Variants in CNKSR2 observed in about 807,000 individuals in gnomAD.
The protein encoded by CNKSR2 is connector enhancer of kinase suppressor of Ras 2, also known as CNK homolog protein 2.
A neutral mutation model predicts 84.4 loss-of-function variants in CNKSR2; 14 were observed. The observed-to-expected ratio is 0.17, with a 90% CI of 0.11 to 0.26. The LOEUF (loss-of-function observed/expected upper bound fraction) is 0.26, where lower values mean the gene tolerates loss of function less well. Among genes scored for constraint, CNKSR2 ranks in the 10% least tolerant of loss-of-function variants. The pLI, the probability that CNKSR2 is intolerant of heterozygous loss-of-function variation, is 1.00. For missense variants in CNKSR2, 485 were observed against 771.2 expected (o/e 0.63, Z 4.40); for synonymous variants, 275 against 277.9 (o/e 0.99, Z 0.10).
intron 13 of CNKSR2, among the ~76,000 whole-genome samples, chrX:21,570,708 C>T (rs930555229): frequency 3.6e-5 from 4 of 112,047 alleles, no homozygotes; most frequent in African/African-American, 1.3e-4. Flanking sequence ...ATTAATTGGC[C>T]TAATTTTAAT....
chrX:21,638,045 T>G (rs969469008), intron 20 of CNKSR2, among the ~76,000 whole-genome samples: 1 of 112,022 alleles, frequency 8.9e-6, no homozygotes, highest in Non-Finnish European at 1.9e-5. Flanking sequence ...GTCTTAGAAC[T>G]CAAACAGAAT....
At chrX:21,576,745 A>T (rs760709217) in intron 13 of CNKSR2, among the ~76,000 whole-genome samples, 1 of 111,823 alleles carries the variant, frequency 8.9e-6, no homozygotes, top group Non-Finnish European at 1.9e-5. Context: ...ATCAGTTCAG[A>T]TGAAATGGAC....
At chrX:21,633,809 GA>G (rs1304352263) in intron 20 of CNKSR2, among the ~76,000 whole-genome samples, 1 of 111,992 alleles carries the variant, frequency 8.9e-6, no homozygotes, top group Non-Finnish European at 1.9e-5. Context: ...TGTCAGAAGG[GA>G]AAAATGAAAA....
At chrX:21,451,985 C>A (rs2090937199) in intron 4 of CNKSR2, among the ~76,000 whole-genome samples, 1 of 111,913 alleles carries the variant, frequency 8.9e-6, no homozygotes, top group Non-Finnish European at 1.9e-5. Context: ...GGAATTAACT[C>A]ACTGCCTCTT....
rs1438568212 is a variant in CNKSR2 at position 21,396,671 on chromosome X, A to G, written c.64+21710A>G. On this transcript the variant is annotated intron_variant, in intron 1 of 21. Transcript: ENST00000379510. The stretch of plus-strand genomic sequence containing the variant: ...CACTGACACTCTTGTTCTCTGCACA[A>G]TCTATGAGATGAATTGATAGCTAGA... Among the ~76,000 whole-genome samples, 3 of 111,942 alleles carry G rather than the reference A, an allele frequency of 2.7e-5. No individual in the cohort carries two copies. The Admixed American group carries it at 2.8e-4, about 11-fold the overall frequency.
rs756043537 is a variant in CNKSR2 at position 21,555,692 on chromosome X, T to A, written c.1304-5779T>A. On this transcript the variant is annotated intron_variant, in intron 11 of 21. Transcript: ENST00000379510. ...TATTGGCTAAAATATTCAGAACAGATGTATATATGTGTATACTTTTTCTGA... is the reference window on the plus strand; with the variant it reads ...TATTGGCTAAAATATTCAGAACAGAAGTATATATGTGTATACTTTTTCTGA... Among the ~76,000 whole-genome samples, 8 of 111,706 alleles carry A rather than the reference T, an allele frequency of 7.2e-5. No individual in the cohort carries two copies. In the South Asian group the frequency reaches 3.0e-3, roughly 41 times the overall value.
chrX:21,443,649 T>C (rs1040635093), intron 4 of CNKSR2, among the ~76,000 whole-genome samples: 1 of 111,780 alleles, frequency 8.9e-6, no homozygotes, highest in Admixed American at 9.5e-5. Context: ...TTTACAATAA[T>C]CCAATCCTAA....
intron 5 of CNKSR2, among the ~76,000 whole-genome samples, chrX:21,472,613 T>C (rs751702634): frequency 8.9e-6 from 1 of 111,873 alleles, no homozygotes; most frequent in Non-Finnish European, 1.9e-5. Context: ...TGATGTAGCC[T>C]TTTCTATGGA....
At chrX:21,527,036 G>A (rs766751823) in intron 10 of CNKSR2, 36 bp downstream of exon 10, 8 of 1,165,645 alleles carry the variant, frequency 6.9e-6, no homozygotes, top group Non-Finnish European at 1.2e-6. Context: ...GCAGCTTCTA[G>A]CTAAAGGTAA....
intron 4 of CNKSR2, among the ~76,000 whole-genome samples, chrX:21,458,121 G>A (rs753065723): frequency 8.3e-3 from 926 of 111,866 alleles, no homozygotes; most frequent in Non-Finnish European, 0.013. Flanking sequence ...GTAACTGTTG[G>A]GTGGACTGTA....
At chrX:21,513,713 T>C (rs1356424873) in intron 8 of CNKSR2, among the ~76,000 whole-genome samples, 1 of 111,541 alleles carries the variant, frequency 9.0e-6, no homozygotes, top group Non-Finnish European at 1.9e-5. Flanking sequence ...TTATATTCTC[T>C]CTTGTCAATC....
At chrX:21,499,722 T>C (rs1005256567) in intron 7 of CNKSR2, among the ~76,000 whole-genome samples, 1 of 110,722 alleles carries the variant, frequency 9.0e-6, no homozygotes, top group Admixed American at 9.6e-5. Context: ...GTAAAGCTGC[T>C]CACTAGAGTG....
intron 21 of CNKSR2, 134 bp from the exon 22 acceptor site, chrX:21,652,172 A>C: frequency 2.1e-6 from 1 of 483,359 alleles, no homozygotes; most frequent in South Asian, 3.4e-5. Flanking sequence ...ACGTGAGTCT[A>C]AAGAGCTGGG....
intron 12 of CNKSR2, among the ~76,000 whole-genome samples, chrX:21,562,804 C>T (rs2092203280): frequency 9.0e-6 from 1 of 110,757 alleles, no homozygotes; most frequent in Non-Finnish European, 1.9e-5. Context: ...CTTCTCCAAG[C>T]ATGCTACCTT....
chrX:21,408,971 T>A (rs2090302072), intron 1 of CNKSR2, among the ~76,000 whole-genome samples: 1 of 108,128 alleles, frequency 9.2e-6, no homozygotes, highest in Non-Finnish European at 1.9e-5. Context: ...TAAAAGTTAG[T>A]TCTTAAATTC....
At chrX:21,472,729 T>C (rs2091213417) in intron 5 of CNKSR2, among the ~76,000 whole-genome samples, 1 of 111,418 alleles carries the variant, frequency 9.0e-6, no homozygotes, top group Non-Finnish European at 1.9e-5. Flanking sequence ...CTGTAAAAAA[T>C]ATGAAATTTT....
intron 18 of CNKSR2, among the ~76,000 whole-genome samples, chrX:21,602,022 A>G (rs898228203): frequency 4.4e-5 from 5 of 112,557 alleles, no homozygotes; most frequent in African/African-American, 1.6e-4. Flanking sequence ...ACCTATTCGT[A>G]GTTGTGTCTT....
At chrX:21,376,517 C>T (rs1352766208) in intron 1 of CNKSR2, among the ~76,000 whole-genome samples, 1 of 111,630 alleles carries the variant, frequency 9.0e-6, no homozygotes, top group Non-Finnish European at 1.9e-5. Flanking sequence ...CAAAGTCCTG[C>T]AGTGGCTCAT....
In CNKSR2 at chrX:21,600,777, C is replaced by T. The variant is rs147225947; in HGVS notation, c.1977-505C>T. Among the ~76,000 whole-genome samples the T allele has an allele frequency of 8.9e-4, 100 of 112,356 alleles. 1 individual carries two copies. The highest frequency in any genetic ancestry group is 2.9e-3 in the African/African-American group (91 of 31,036). ...TACCCTTGTATTTAGAGACAAGTGT[C>T]CGAAGTACTCCCAAGATGTGTTTCC... is the stretch of plus-strand genomic sequence containing the variant. On this transcript the variant is annotated intron_variant, in intron 17 of 21. Coordinates refer to ENST00000379510, the MANE Select transcript of CNKSR2 (RefSeq NM_014927.5).
Sources: allele counts gnomAD v4.1 joint callset (sites outside exome capture counted in the v4.1 genomes callset), GRCh38; gene constraint gnomAD v4.1.1; transcripts MANE v1.5; gene names NCBI Gene and HGNC (gene_info 2026-07-23, HGNC 2026-07-21).